BRINP3: variants seen among roughly 807,000 people sequenced by gnomAD.
BRINP3 encodes the protein BMP/retinoic acid-inducible neural-specific protein 3.
In BRINP3, 19 loss-of-function variants were observed where a neutral mutation model predicts 71.0. That is an observed-to-expected ratio of 0.27 (90% confidence interval 0.19 to 0.39). The LOEUF (loss-of-function observed/expected upper bound fraction) is 0.39. Among genes scored for constraint, BRINP3 ranks in the 10% least tolerant of loss-of-function variants. The pLI is 1.00. For synonymous variants in BRINP3, 380 were observed against 337.7 expected (o/e 1.13, Z -1.37); for missense variants, 959 against 940.8 (o/e 1.02, Z -0.25).
intron 2 of BRINP3, among the ~76,000 whole-genome samples, chr1:190,412,460 T>TG (rs1450512217): frequency 1.4e-4 from 18 of 133,096 alleles, no homozygotes; most frequent in African/African-American, 1.7e-4. Flanking sequence ...TGTTTTGTTT[T>TG]TTTTTGTTTT....
chr1:190,469,178 G>C (rs1263678556), intron 1 of BRINP3, among the ~76,000 whole-genome samples: 1 of 150,812 alleles, frequency 6.6e-6, no homozygotes, highest in Middle Eastern at 3.3e-3. Context: ...ACTAATCATT[G>C]ATAATTCATT....
intron 7 of BRINP3, among the ~76,000 whole-genome samples, chr1:190,135,333 A>G (rs1164965596): frequency 6.6e-6 from 1 of 152,070 alleles, no homozygotes; most frequent in East Asian, 1.9e-4. Context: ...TGTTTCAGTT[A>G]TGCTTGGGGA....
intron 2 of BRINP3, among the ~76,000 whole-genome samples, chr1:190,328,845 T>C (rs1417003639): frequency 6.6e-6 from 1 of 152,018 alleles, no homozygotes; most frequent in Admixed American, 6.6e-5. Context: ...AGGCTTTATT[T>C]TGAGATGCAA....
intron 5 of BRINP3, among the ~76,000 whole-genome samples, chr1:190,232,074 T>G (rs1175571761): frequency 1.3e-5 from 2 of 152,118 alleles, no homozygotes; most frequent in Non-Finnish European, 2.9e-5. Context: ...AACTTCAACA[T>G]GTACTTAGAA....
chr1:190,275,704 AT>A (rs1422418271), intron 3 of BRINP3, among the ~76,000 whole-genome samples: 5 of 151,746 alleles, frequency 3.3e-5, no homozygotes, highest in Admixed American at 6.6e-5. Flanking sequence ...ACCAGAAAAA[AT>A]ATAATAAAAT....
intron 7 of BRINP3, among the ~76,000 whole-genome samples, chr1:190,138,993 G>A (rs1655202373): frequency 6.6e-6 from 1 of 152,092 alleles, no homozygotes; most frequent in Non-Finnish European, 1.5e-5. Flanking sequence ...CAAGAAAGGA[G>A]AGAAAAAGCC....
chr1:190,457,629 T>A (rs74965271), intron 1 of BRINP3, among the ~76,000 whole-genome samples: 1 of 152,182 alleles, frequency 6.6e-6, no homozygotes, highest in Non-Finnish European at 1.5e-5. Flanking sequence ...CCTAGAATAG[T>A]GCCTACCATA....
chr1:190,421,985 C>T (rs752409860), intron 2 of BRINP3, among the ~76,000 whole-genome samples: 2 of 151,796 alleles, frequency 1.3e-5, no homozygotes, highest in African/African-American at 2.4e-5. Flanking sequence ...CCATCTAGCA[C>T]CCATTTCTAA....
intron 1 of BRINP3, among the ~76,000 whole-genome samples, chr1:190,468,705 AT>A (rs1676930260): frequency 6.6e-6 from 1 of 151,194 alleles, no homozygotes; most frequent in South Asian, 2.1e-4. Context: ...GGAATTATGG[AT>A]TGCAAAATTG....
At chr1:190,213,446 GA>G (rs1016593660) in intron 6 of BRINP3, among the ~76,000 whole-genome samples, 4 of 152,000 alleles carry the variant, frequency 2.6e-5, no homozygotes, top group Admixed American at 1.3e-4. Context: ...CTCAAACTTA[GA>G]AAATAATTGC....
chr1:190,240,892 A>C (rs1003291180), intron 4 of BRINP3, among the ~76,000 whole-genome samples: 1 of 149,496 alleles, frequency 6.7e-6, no homozygotes, highest in African/African-American at 2.5e-5. Flanking sequence ...AAAAAAAAAA[A>C]AAAAAAAACC....
chr1:190,338,596 T>G (rs1667443739), intron 2 of BRINP3, among the ~76,000 whole-genome samples: 1 of 152,028 alleles, frequency 6.6e-6, no homozygotes, highest in African/African-American at 2.4e-5. Flanking sequence ...ACATAAGTGA[T>G]GTTAAACGGA....
At chr1:190,192,523 GT>G (rs147922349) in intron 6 of BRINP3, among the ~76,000 whole-genome samples, 17,969 of 148,800 alleles carry the variant, frequency 0.12, 1,532 homozygotes, top group South Asian at 0.26. Flanking sequence ...TATTAGTTTA[GT>G]TTTTTTTTTC....
chr1:190,408,370 G>C (rs1026126556), intron 2 of BRINP3, among the ~76,000 whole-genome samples: 5 of 151,822 alleles, frequency 3.3e-5, no homozygotes, highest in African/African-American at 1.2e-4. Flanking sequence ...TAAATAAAAT[G>C]GTCTTGTTTC....
At chr1:190,347,037 C>CA (rs1293669941) in intron 2 of BRINP3, among the ~76,000 whole-genome samples, 1 of 152,110 alleles carries the variant, frequency 6.6e-6, no homozygotes, top group Non-Finnish European at 1.5e-5. Flanking sequence ...AACACAGTAA[C>CA]ACCCCTCACA....
chr1:190,420,924 C>T (rs192027395), intron 2 of BRINP3, among the ~76,000 whole-genome samples: 22 of 151,916 alleles, frequency 1.4e-4, no homozygotes, highest in Non-Finnish European at 2.9e-4. Flanking sequence ...AGAAAGAGGT[C>T]AGAACAAGCT....
rs766851608 is a variant in BRINP3 at position 190,454,896 on chromosome 1, C to T, written c.-6G>A. ...GCTCTGCTTCGCCATATCATGCTTC[C>T]ACTGGGGATTTAGAGCCTTCATTCT... On this transcript the variant is annotated 5_prime_UTR_variant, in exon 2 of 8. It introduces an in-frame stop codon into an upstream open reading frame of the 5' UTR. Transcript: ENST00000367462. 5.6e-6 allele frequency: 9 copies of T among 1,611,720 alleles called. No individual in the cohort carries two copies. The South Asian group carries it at 9.9e-5, about 18-fold the overall frequency.
chr1:190,295,136 C>G (rs1664153624), intron 2 of BRINP3, among the ~76,000 whole-genome samples: 2 of 152,046 alleles, frequency 1.3e-5, no homozygotes, highest in Admixed American at 1.3e-4. Flanking sequence ...TGCTGCCTGA[C>G]TGACACTGAC....
intron 2 of BRINP3, among the ~76,000 whole-genome samples, chr1:190,384,638 T>G (rs1284450822): frequency 3.3e-5 from 5 of 152,002 alleles, no homozygotes. Flanking sequence ...ACAGTCTTAC[T>G]TTATTTGTAC....
Sources: allele counts gnomAD v4.1 joint callset (sites outside exome capture counted in the v4.1 genomes callset), GRCh38; gene constraint gnomAD v4.1.1; transcripts MANE v1.5; gene names NCBI Gene and HGNC (gene_info 2026-07-23, HGNC 2026-07-21).